The following ARHGEF1 variants were observed in gnomAD, a reference collection of about 807,000 sequenced individuals.
ARHGEF1 encodes Rho guanine nucleotide exchange factor 1.
ARHGEF1 carries 40 observed loss-of-function variants against 119.7 expected under a neutral mutation model. The observed-to-expected ratio is 0.33, with a 90% CI of 0.26 to 0.44. The LOEUF is 0.44. Ranked by LOEUF, ARHGEF1 falls within the 20% of genes least tolerant of loss-of-function variation. ARHGEF1 has a pLI of 1.00. For synonymous variants in ARHGEF1, 494 were observed against 521.0 expected (o/e 0.95, Z 0.71); for missense variants, 976 against 1,268.3 (o/e 0.77, Z 3.50).
At chr19:41,913,050 AC>A in intron 18 of ARHGEF1, 1 of 408,418 alleles carries the variant, frequency 2.4e-6, no homozygotes, top group Non-Finnish European at 4.2e-6. Flanking sequence ...CCAGCCTGAC[AC>A]CCTCTCCCCG....
Position 41,902,987 on chromosome 19 carries a change from C to CTGATGAAA in ARHGEF1, c.1738+89_1738+90insTGATGAAA. ...CTCATTTTCATCAGTGATACCATCA[C>CTGATGAAA]AGCTCACTGCAGCCTCAACCTCCCA... On this transcript the variant is annotated intron_variant, in intron 18 of 28. Coordinates refer to ENST00000354532, the MANE Select transcript of ARHGEF1 (RefSeq NM_004706.4). The surrounding 1 kb of genome is among the most constrained non-coding windows in gnomAD (Gnocchi z 6.5). 2 of 1,074,230 alleles carry CTGATGAAA rather than the reference C, an allele frequency of 1.9e-6. No individual in the cohort carries two copies. The highest frequency in any genetic ancestry group is 2.6e-6 in the Non-Finnish European group (2 of 761,398). The allele number at this position is 1,074,230 out of a possible 1,614,324, so 66.5% of individuals were successfully genotyped here.
intron 18 of ARHGEF1, among the ~76,000 whole-genome samples, chr19:41,913,389 C>T (rs1352615324): frequency 6.6e-6 from 1 of 151,914 alleles, no homozygotes; most frequent in African/African-American, 2.4e-5. Context: ...GTCTCTCTCT[C>T]TGGCTGCCCC....
Position 41,898,310 on chromosome 19 carries a change from T to G in ARHGEF1, c.1122-132T>G, listed in dbSNP as rs534938404. 2.6e-5 allele frequency: 36 copies of G among 1,404,128 alleles called. No individual in the cohort carries two copies. The South Asian group carries it at 4.8e-4, about 19-fold the overall frequency. 87.0% of individuals were successfully genotyped at this position (1,404,128 alleles called of 1,614,324 possible). A position where few individuals can be genotyped will look rare whatever the true frequency, so the allele number is the denominator to read the frequency against. On this transcript the variant is annotated intron_variant, in intron 13 of 28. Coordinates refer to ENST00000354532, the MANE Select transcript of ARHGEF1 (RefSeq NM_004706.4). ...TCTAGTGTGGTCCGATCTAGAGACC[T>G]GGTCTGCTGCACGGGCCACCCTGCG...
intron 14 of ARHGEF1, 76 bp downstream of exon 14, chr19:41,898,663 G>A: frequency 6.8e-7 from 1 of 1,471,234 alleles, no homozygotes; most frequent in Non-Finnish European, 9.0e-7. Flanking sequence ...CAGGCGCAGA[G>A]AGATGTTCAT....
chr19:41,899,360 C>G (rs1460570857), intron 14 of ARHGEF1, among the ~76,000 whole-genome samples: 2 of 152,088 alleles, frequency 1.3e-5, no homozygotes, highest in Non-Finnish European at 2.9e-5. Flanking sequence ...AAGATCCCCA[C>G]AGGGGAAAGT....
At chr19:41,915,782 G>A (rs782458798) in intron 18 of ARHGEF1, among the ~76,000 whole-genome samples, 29 of 152,070 alleles carry the variant, frequency 1.9e-4, no homozygotes, top group Non-Finnish European at 1.9e-4. Context: ...CGCCCCCCTG[G>A]CCCCATTGAT....
upstream of ARHGEF1, among the ~76,000 whole-genome samples, chr19:41,919,494 C>T (rs564157211): frequency 5.4e-5 from 8 of 148,302 alleles, no homozygotes; most frequent in African/African-American, 1.6e-4. Flanking sequence ...TTACCACCCA[C>T]GTGTGCACGT....
chr19:41,920,898 C>G (rs1359949013), upstream of ARHGEF1, among the ~76,000 whole-genome samples: 1 of 152,180 alleles, frequency 6.6e-6, no homozygotes, highest in African/African-American at 2.4e-5. Context: ...GAGACCCACA[C>G]CCCCCTCCCT....
chr19:41,908,837 C>A (rs955715983), downstream of ARHGEF1, among the ~76,000 whole-genome samples: 16 of 151,600 alleles, frequency 1.1e-4, no homozygotes, highest in African/African-American at 3.6e-4. The surrounding 1 kb of genome is among the most constrained non-coding windows in gnomAD (Gnocchi z 6.7). Flanking sequence ...CCTCCCACTC[C>A]CCCACTTGTC....
chr19:41,918,364 T>C (rs2074815058), upstream of ARHGEF1, among the ~76,000 whole-genome samples: 1 of 140,932 alleles, frequency 7.1e-6, no homozygotes, highest in Non-Finnish European at 1.5e-5. Flanking sequence ...ACACACACCA[T>C]ACCACACACA....
Position 41,892,459 on chromosome 19 carries a change from T to A in ARHGEF1, c.367+86T>A. ...CAAGGGGAGGGAGGCCGCACTCCCATGCTCTGCTCGGACAGCCGAGATTCA... is the reference window on the plus strand; with the variant it reads ...CAAGGGGAGGGAGGCCGCACTCCCAAGCTCTGCTCGGACAGCCGAGATTCA... On this transcript the variant is annotated intron_variant, in intron 6 of 28. Transcript: ENST00000354532. This position sits in a 1 kb window ranked among gnomAD's most constrained non-coding sequence, Gnocchi z 6.3. The A allele has an allele frequency of 6.2e-7, 1 of 1,601,564 alleles. No individual in the cohort carries two copies. Among genetic ancestry groups the A allele is most frequent in the Admixed American group, 1.7e-5 (1 of 59,702 alleles).
Position 41,892,356 on chromosome 19 carries a change from A to G in ARHGEF1, c.350A>G (p.Asn117Ser), listed in dbSNP as rs1251612049. The change falls in exon 6 of 29, where the codon AAC becomes AGC. Residue 117 changes from asparagine to serine, a missense_variant. Transcript: ENST00000354532. This position sits in a 1 kb window ranked among gnomAD's most constrained non-coding sequence, Gnocchi z 6.3. ...GTTCTCCGGGTGCCGGTCCCTCCCA[A>G]CGTCGCCTTTGAACTTGGTAAGGAG... ...TAVLRVPVPP[N>S]VAFELDRTRA... 3.7e-6 allele frequency: 6 copies of G among 1,613,858 alleles called. No individual in the cohort carries two copies. Among genetic ancestry groups the G allele is most frequent in the Non-Finnish European group, 5.1e-6 (6 of 1,179,986 alleles).
intron 13 of ARHGEF1, chr19:41,897,812 A>G: frequency 1.1e-6 from 1 of 929,310 alleles, no homozygotes; most frequent in East Asian, 3.3e-5. Flanking sequence ...GCCTCTCCCC[A>G]CCTCTGTCCC....
upstream of ARHGEF1, among the ~76,000 whole-genome samples, chr19:41,919,114 C>A (rs782756581): frequency 2.0e-5 from 3 of 151,536 alleles, no homozygotes; most frequent in Non-Finnish European, 4.4e-5. Flanking sequence ...AACACACATA[C>A]CACACACATC....
Position 41,902,106 on chromosome 19 carries a change from A to G in ARHGEF1, c.1414+73A>G, listed in dbSNP as rs1555849135. 6 of 1,588,894 alleles carry G rather than the reference A, an allele frequency of 3.8e-6. No individual in the cohort carries two copies. In the East Asian group the frequency reaches 1.3e-4, roughly 36 times the overall value. ...CAGCTCTGCTCTAGCCCTGGGTTCA[A>G]CCTGCTCGGGAACCCCAGGGTTCAC... On this transcript the variant is annotated intron_variant, in intron 15 of 28. Coordinates refer to ENST00000354532, the MANE Select transcript of ARHGEF1 (RefSeq NM_004706.4). The surrounding 1 kb of genome is among the most constrained non-coding windows in gnomAD (Gnocchi z 6.5).
chr19:41,895,074 A>G (rs1385187590), intron 11 of ARHGEF1, among the ~76,000 whole-genome samples: 1 of 136,100 alleles, frequency 7.3e-6, no homozygotes, highest in East Asian at 2.3e-4. Context: ...CTGGGCCTAG[A>G]CCCCTGGGTC....
chr19:41,904,398 T>C lies in ARHGEF1; in HGVS notation c.2161+15T>C. 1 of 1,549,838 alleles carries C rather than the reference T, an allele frequency of 6.5e-7. No individual in the cohort carries two copies. The highest frequency in any genetic ancestry group is 8.7e-7 in the Non-Finnish European group (1 of 1,151,768). On this transcript the variant is annotated intron_variant, in intron 22 of 28. Transcript: ENST00000354532. This position sits in a 1 kb window ranked among gnomAD's most constrained non-coding sequence, Gnocchi z 8.4. Reference sequence around the variant, plus strand: ...GGTGGCCACCGGTGAGTGCAGCCACTGCATGGCCCAGGGCAGAGGGTGTCT... The same window carrying C: ...GGTGGCCACCGGTGAGTGCAGCCACCGCATGGCCCAGGGCAGAGGGTGTCT...
upstream of ARHGEF1, among the ~76,000 whole-genome samples, chr19:41,922,085 TG>T (rs1200321867): frequency 2.6e-5 from 4 of 151,882 alleles, no homozygotes; most frequent in Non-Finnish European, 4.4e-5. Context: ...TTGGTGATGC[TG>T]GAGGGGCGGG....
intron 8 of ARHGEF1, among the ~76,000 whole-genome samples, chr19:41,893,887 G>A (rs2074425714): frequency 8.2e-6 from 1 of 122,654 alleles, no homozygotes; most frequent in Non-Finnish European, 1.7e-5. Context: ...GTCTGAGGGA[G>A]GAGGGGGCTG....
Sources: gnomAD v4.1 joint callset for allele counts (sites outside exome capture counted in the v4.1 genomes callset) on GRCh38, gnomAD v4.1.1 for gene constraint, Gnocchi (gnomAD v3.1) non-coding constraint, MANE v1.5 for transcripts, NCBI Gene and HGNC (gene_info 2026-07-23, HGNC 2026-07-21) for gene names.